Variants in CLYBL observed in about 807,000 individuals in gnomAD.
CLYBL encodes citramalyl-CoA lyase, mitochondrial.
CLYBL carries 31 observed loss-of-function variants against 38.9 expected under a neutral mutation model. That is an observed-to-expected ratio of 0.80 (90% CI 0.60 to 1.08). CLYBL has a LOEUF of 1.08. Ranked by LOEUF, CLYBL falls within the 50% of genes least tolerant of loss-of-function variation. The pLI, the probability that CLYBL is intolerant of heterozygous loss-of-function variation, is 0.00. For missense variants in CLYBL, 434 were observed against 411.6 expected (o/e 1.05, Z -0.47); for synonymous variants, 171 against 158.6 (o/e 1.08, Z -0.59).
chr13:99,766,083 C>T (rs7325119), intron 1 of CLYBL, among the ~76,000 whole-genome samples: 25,069 of 151,640 alleles, frequency 0.17, 2,606 homozygotes, highest in East Asian at 0.38. Context: ...GAACTCCTGC[C>T]TTCAAGTGAT....
intron 8 of CLYBL, among the ~76,000 whole-genome samples, chr13:99,902,537 A>G (rs764194355): frequency 6.6e-6 from 1 of 152,222 alleles, no homozygotes. Flanking sequence ...CTCAAAGGGC[A>G]TATGTGTTAG....
At chr13:99,696,589 G>A (rs1484716006) in intron 1 of CLYBL, among the ~76,000 whole-genome samples, 1 of 152,010 alleles carries the variant, frequency 6.6e-6, no homozygotes, top group Non-Finnish European at 1.5e-5. Context: ...AAGACACATG[G>A]CACATGGTAA....
intron 2 of CLYBL, among the ~76,000 whole-genome samples, chr13:99,793,912 G>T (rs1001794307): frequency 6.6e-6 from 1 of 151,216 alleles, no homozygotes; most frequent in Non-Finnish European, 1.5e-5. Context: ...GAAAGAAAAT[G>T]CAGCTTAAAT....
intron 1 of CLYBL, among the ~76,000 whole-genome samples, chr13:99,669,410 A>T (rs1338612595): frequency 6.6e-6 from 1 of 152,118 alleles, no homozygotes; most frequent in African/African-American, 2.4e-5. Context: ...CATTTGCAAA[A>T]ATTCCACAAG....
intron 1 of CLYBL, among the ~76,000 whole-genome samples, chr13:99,725,797 G>T (rs150481007): frequency 1.3e-5 from 2 of 152,188 alleles, no homozygotes; most frequent in African/African-American, 4.8e-5. Flanking sequence ...AGGCATTGTG[G>T]TGTTTGCGTA....
intron 2 of CLYBL, among the ~76,000 whole-genome samples, chr13:99,836,461 G>C (rs970237839): frequency 2.6e-5 from 4 of 152,170 alleles, no homozygotes; most frequent in Non-Finnish European, 4.4e-5. Context: ...GTAGGAGGTA[G>C]GGCCAGGAGG....
intron 7 of CLYBL, among the ~76,000 whole-genome samples, chr13:99,881,070 AC>A (rs2052194650): frequency 6.6e-6 from 1 of 151,832 alleles, no homozygotes; most frequent in African/African-American, 2.4e-5. Flanking sequence ...ACCCCATCCC[AC>A]CCCAAACCCG....
At chr13:99,673,472 A>G (rs2047597921) in intron 1 of CLYBL, among the ~76,000 whole-genome samples, 1 of 152,040 alleles carries the variant, frequency 6.6e-6, no homozygotes, top group Non-Finnish European at 1.5e-5. Context: ...GCAGGATGCT[A>G]TTTTAAATAG....
At chr13:99,796,012 A>G (rs1186066003) in intron 2 of CLYBL, among the ~76,000 whole-genome samples, 2 of 152,202 alleles carry the variant, frequency 1.3e-5, no homozygotes, top group Admixed American at 1.3e-4. Flanking sequence ...CACAGGGGAA[A>G]GCAAAGTAGA....
intron 1 of CLYBL, among the ~76,000 whole-genome samples, chr13:99,735,403 C>G (rs903968417): frequency 1.3e-5 from 2 of 151,856 alleles, no homozygotes; most frequent in African/African-American, 2.4e-5. Context: ...GCTATATTAC[C>G]CAGGCTGGTC....
chr13:99,813,135 G>A (rs2050374860), intron 2 of CLYBL, among the ~76,000 whole-genome samples: 2 of 151,376 alleles, frequency 1.3e-5, no homozygotes, highest in South Asian at 4.2e-4. Context: ...TTTTATTTTT[G>A]TCTCAGGAAA....
chr13:99,854,133 T>C (rs1169904562), intron 2 of CLYBL, among the ~76,000 whole-genome samples: 2 of 152,184 alleles, frequency 1.3e-5, no homozygotes, highest in Non-Finnish European at 2.9e-5. Context: ...TCTTTCCTAT[T>C]TCTTAATTAC....
At chr13:99,771,532 G>A (rs187781242) in intron 1 of CLYBL, among the ~76,000 whole-genome samples, 53 of 152,220 alleles carry the variant, frequency 3.5e-4, no homozygotes, top group Admixed American at 2.2e-3. Context: ...ACCGGGCCCC[G>A]CAAATTGTAT....
At chr13:99,658,588 G>C (rs1361307564) in intron 1 of CLYBL, among the ~76,000 whole-genome samples, 1 of 152,208 alleles carries the variant, frequency 6.6e-6, no homozygotes, top group Non-Finnish European at 1.5e-5. Context: ...CCTCCAGCCC[G>C]GCGACAGGCC....
chr13:99,868,094 A>G (rs1013791444), intron 6 of CLYBL, among the ~76,000 whole-genome samples: 1 of 152,184 alleles, frequency 6.6e-6, no homozygotes, highest in Non-Finnish European at 1.5e-5. Flanking sequence ...TCGCTAAAAA[A>G]AAAGGGGGGA....
At chr13:99,878,048 T>C (rs936567907) in intron 7 of CLYBL, among the ~76,000 whole-genome samples, 2 of 152,340 alleles carry the variant, frequency 1.3e-5, no homozygotes, top group East Asian at 1.9e-4. Context: ...CGCACCTCCC[T>C]GCAGCATCTT....
At chr13:99,643,920 G>C (rs2047132448) in intron 1 of CLYBL, among the ~76,000 whole-genome samples, 1 of 149,562 alleles carries the variant, frequency 6.7e-6, no homozygotes, top group Admixed American at 6.8e-5. Flanking sequence ...CAGGAGAATC[G>C]CTTGAACCCA....
intron 1 of CLYBL, among the ~76,000 whole-genome samples, chr13:99,754,929 A>G (rs1594161757): frequency 2.2e-5 from 3 of 135,570 alleles, no homozygotes; most frequent in South Asian, 4.7e-4. Flanking sequence ...ACGGAGTCTC[A>G]CTCTGTTGCC....
intron 2 of CLYBL, among the ~76,000 whole-genome samples, chr13:99,794,834 CATCT>C (rs1453290282): frequency 6.6e-6 from 1 of 152,018 alleles, no homozygotes; most frequent in Non-Finnish European, 1.5e-5. Flanking sequence ...TCAGGTGATC[CATCT>C]GTCTTGGCCT....
Sources: allele counts gnomAD v4.1 joint callset (sites outside exome capture counted in the v4.1 genomes callset), GRCh38; gene constraint gnomAD v4.1.1; transcripts MANE v1.5; gene names NCBI Gene and HGNC (gene_info 2026-07-23, HGNC 2026-07-21).